Variants in PPM1L observed in about 807,000 individuals in gnomAD.
PPM1L encodes the protein protein phosphatase, Mg2+/Mn2+ dependent 1L, also known as protein phosphatase 1L.
In PPM1L, 13 loss-of-function variants were observed where a neutral mutation model predicts 31.4. The ratio of observed to expected loss-of-function variants is 0.41; its 90% CI spans 0.27 to 0.66. The LOEUF (loss-of-function observed/expected upper bound fraction) is 0.66, where lower values mean the gene tolerates loss of function less well. Ranked by LOEUF, PPM1L falls within the 30% of genes least tolerant of loss-of-function variation. PPM1L has a pLI of 0.29. For synonymous variants in PPM1L, 184 were observed against 175.4 expected (o/e 1.05, Z -0.39); for missense variants, 326 against 453.7 (o/e 0.72, Z 2.56).
intron 1 of PPM1L, among the ~76,000 whole-genome samples, chr3:160,826,499 T>C (rs993927863): frequency 6.6e-6 from 1 of 152,158 alleles, no homozygotes; most frequent in African/African-American, 2.4e-5. Context: ...GATATATTAA[T>C]AGCAACAAAA....
chr3:160,918,661 A>G (rs1338287182), intron 1 of PPM1L, among the ~76,000 whole-genome samples: 4 of 152,320 alleles, frequency 2.6e-5, no homozygotes, highest in African/African-American at 9.6e-5. Context: ...TGAATATGCT[A>G]TATTTCTATA....
chr3:161,048,027 G>A (rs1719139682), intron 2 of PPM1L, among the ~76,000 whole-genome samples: 1 of 152,172 alleles, frequency 6.6e-6, no homozygotes, highest in Non-Finnish European at 1.5e-5. Flanking sequence ...ATAGGCATGG[G>A]CAAGGACTTC....
At chr3:161,053,051 C>A (rs1719321240) in intron 2 of PPM1L, among the ~76,000 whole-genome samples, 2 of 152,178 alleles carry the variant, frequency 1.3e-5, no homozygotes, top group Non-Finnish European at 2.9e-5. Context: ...AGAAGTGAGA[C>A]AACTCACTGA....
chr3:161,038,428 C>T lies in PPM1L; in HGVS notation c.575-26975C>T, dbSNP rs527258714. On this transcript the variant is annotated intron_variant, in intron 2 of 3. Transcript: ENST00000498165. ...CTGGACTCAACCAATTCTCTGACCT[C>T]AGCCTCCTGAGCAGCTAGAACTACA... Among the ~76,000 whole-genome samples, 55 of 144,180 alleles carry T rather than the reference C, an allele frequency of 3.8e-4. No individual in the cohort carries two copies. The South Asian group carries it at 0.012, about 33-fold the overall frequency. The allele number at this position is 144,180 out of a possible 152,430, so 94.6% of individuals were successfully genotyped here.
chr3:161,061,434 G>C (rs1439634862), intron 2 of PPM1L, among the ~76,000 whole-genome samples: 1 of 152,152 alleles, frequency 6.6e-6, no homozygotes, highest in Non-Finnish European at 1.5e-5. Context: ...GAAACAGTGG[G>C]ATTTGTTTGT....
In PPM1L at chr3:160,761,476, A is replaced by G. The variant is rs550095271; in HGVS notation, c.399+4769A>G. On this transcript the variant is annotated intron_variant, in intron 1 of 3. Transcript: ENST00000498165. Reference sequence around the variant, plus strand: ...AGGGAGAAATAGTACTCTATTACCTATTTATCTTAAGGATGCTGAATTATG... The same window carrying G: ...AGGGAGAAATAGTACTCTATTACCTGTTTATCTTAAGGATGCTGAATTATG... Among the ~76,000 whole-genome samples the G allele has an allele frequency of 1.8e-4, 27 of 152,280 alleles. No individual in the cohort carries two copies. In the South Asian group the frequency reaches 5.2e-3, roughly 29 times the overall value.
intron 2 of PPM1L, among the ~76,000 whole-genome samples, chr3:160,975,883 T>G (rs1223385146): frequency 4.1e-5 from 6 of 146,794 alleles, no homozygotes; most frequent in African/African-American, 1.5e-4. Flanking sequence ...CCTGCCTAAT[T>G]GCCCTGGCCA....
chr3:160,864,359 T>C (rs1712012190), intron 1 of PPM1L, among the ~76,000 whole-genome samples: 1 of 152,036 alleles, frequency 6.6e-6, no homozygotes, highest in Non-Finnish European at 1.5e-5. Context: ...ATGTTTTTTG[T>C]AATGACAGGA....
rs879016535 is a variant in PPM1L, at chr3:161,065,283, A to G, written c.575-120A>G. Reference sequence around the variant, plus strand: ...CAGCCATCATTCTCAGAGTGGCTGGAGTCAAATTCTCACCCAGCAGAAGCA... The same window carrying G: ...CAGCCATCATTCTCAGAGTGGCTGGGGTCAAATTCTCACCCAGCAGAAGCA... On this transcript the variant is annotated intron_variant, in intron 2 of 3. Transcript: ENST00000498165. 754 of 841,550 alleles carry G rather than the reference A, an allele frequency of 9.0e-4. 2 individuals are homozygous for G. The highest frequency in any genetic ancestry group is 3.8e-3 in the Admixed American group (153 of 40,104). 52.1% of individuals were successfully genotyped at this position (841,550 alleles called of 1,614,324 possible).
chr3:160,767,859 C>A (rs1715145571), intron 1 of PPM1L, among the ~76,000 whole-genome samples: 1 of 151,900 alleles, frequency 6.6e-6, no homozygotes, highest in African/African-American at 2.4e-5. Context: ...TAAGTGTATA[C>A]CATTTCTTTT....
At chr3:160,963,912 G>T (rs973677449) in intron 2 of PPM1L, among the ~76,000 whole-genome samples, 3 of 152,040 alleles carry the variant, frequency 2.0e-5, no homozygotes, top group African/African-American at 7.2e-5. Context: ...ACAAGATTGA[G>T]AGTTAGAGGA....
chr3:160,941,748 A>C (rs1715170347), intron 1 of PPM1L, among the ~76,000 whole-genome samples: 1 of 152,196 alleles, frequency 6.6e-6, no homozygotes, highest in Admixed American at 6.5e-5. Context: ...CTTCTCAATT[A>C]GAGAATTTGT....
At chr3:160,928,460 C>T (rs1425322570) in intron 1 of PPM1L, among the ~76,000 whole-genome samples, 1 of 152,166 alleles carries the variant, frequency 6.6e-6, no homozygotes, top group Non-Finnish European at 1.5e-5. Flanking sequence ...AGGCGTTTTT[C>T]TCTAGTATGG....
At chr3:160,813,318 T>TA (rs1009356440) in intron 1 of PPM1L, among the ~76,000 whole-genome samples, 1 of 152,128 alleles carries the variant, frequency 6.6e-6, no homozygotes, top group Admixed American at 6.5e-5. Flanking sequence ...TTTTCAAGTT[T>TA]AAAAAAATAT....
intron 1 of PPM1L, among the ~76,000 whole-genome samples, chr3:160,807,351 A>G (rs1712636333): frequency 6.6e-6 from 1 of 152,206 alleles, no homozygotes; most frequent in South Asian, 2.1e-4. Context: ...GCAATTATTG[A>G]CAGATTTTTA....
intron 1 of PPM1L, among the ~76,000 whole-genome samples, chr3:160,945,013 T>TATATTATATATAACTATATATAAC (rs1715342575): frequency 2.9e-4 from 2 of 6,888 alleles, no homozygotes; most frequent in African/African-American, 7.1e-4. Context: ...ATATATAACA[T>TATATTATATATAACTATATATAAC]ATATATTATA....
chr3:160,832,174 A>C (rs1477081803), intron 1 of PPM1L, among the ~76,000 whole-genome samples: 1 of 152,180 alleles, frequency 6.6e-6, no homozygotes, highest in African/African-American at 2.4e-5. Context: ...AACTAACTAG[A>C]GTATGGTGAA....
intron 1 of PPM1L, among the ~76,000 whole-genome samples, chr3:160,869,181 A>ATC (rs1712207191): frequency 1.3e-5 from 2 of 152,230 alleles, no homozygotes; most frequent in African/African-American, 4.8e-5. Context: ...CGTTTGTGAA[A>ATC]TCTAGAAGTA....
At chr3:161,059,377 C>A (rs561301368) in intron 2 of PPM1L, among the ~76,000 whole-genome samples, 1 of 152,098 alleles carries the variant, frequency 6.6e-6, no homozygotes, top group Non-Finnish European at 1.5e-5. Context: ...GGAGGGTCAT[C>A]GTGTTTTCAT....
Sources: gnomAD v4.1 joint callset for allele counts (sites outside exome capture counted in the v4.1 genomes callset) on GRCh38, gnomAD v4.1.1 for gene constraint, MANE v1.5 for transcripts, NCBI Gene and HGNC (gene_info 2026-07-23, HGNC 2026-07-21) for gene names.